The following KIZ variants were observed in gnomAD, a reference collection of about 807,000 sequenced individuals.
The protein encoded by KIZ is kizuna centrosomal protein, also known as centrosomal protein kizuna.
A neutral mutation model predicts 79.6 loss-of-function variants in KIZ; 68 were observed. The ratio of observed to expected loss-of-function variants is 0.85; its 90% confidence interval spans 0.70 to 1.05. KIZ has a LOEUF of 1.05. Ranked by LOEUF, KIZ falls within the 50% of genes least tolerant of loss-of-function variation. KIZ has a pLI of 0.00. For synonymous variants in KIZ, 280 were observed against 281.8 expected (o/e 0.99, Z 0.06); for missense variants, 797 against 800.4 (o/e 1.00, Z 0.05).
At position 21,241,843 on chromosome 20, in the gene KIZ, T is replaced by G. The variant is rs925471930; in HGVS notation, c.1881-2402T>G. Reference sequence around the variant, plus strand: ...TCATGTGTCTGTGTTTACAGCCTTGTGCATGACTTTTTCCTTTTTTTTTCT... The same window carrying G: ...TCATGTGTCTGTGTTTACAGCCTTGGGCATGACTTTTTCCTTTTTTTTTCT... On this transcript the variant is annotated intron_variant, in intron 11 of 12. Coordinates refer to ENST00000619189, the MANE Select transcript of KIZ (RefSeq NM_018474.6). Among the ~76,000 whole-genome samples the G allele has an allele frequency of 6.6e-5, 10 of 152,354 alleles. No homozygotes were observed. The East Asian group carries it at 1.9e-3, about 29-fold the overall frequency.
chr20:21,130,461 G>A (rs2122286903), intron 1 of KIZ, among the ~76,000 whole-genome samples: 1 of 152,152 alleles, frequency 6.6e-6, no homozygotes, highest in East Asian at 1.9e-4. Flanking sequence ...GTACCCAATT[G>A]ATCATGAAAC....
At chr20:21,126,431 A>G (rs1215555076) in intron 1 of KIZ, among the ~76,000 whole-genome samples, 2 of 152,128 alleles carry the variant, frequency 1.3e-5, no homozygotes, top group Non-Finnish European at 2.9e-5. Flanking sequence ...CGCCCCGTCA[A>G]TAGCAGCTAA....
chr20:21,196,733 G>A (rs1264228368), intron 6 of KIZ: 4 of 152,354 alleles, frequency 2.6e-5, no homozygotes, highest in Middle Eastern at 3.4e-3. Context: ...CAGAAGCCTG[G>A]GAATTGGCAA....
rs2032199059 is a variant in KIZ, at chr20:21,136,522, C to T, written c.285C>T (p.Thr95=). 6.3e-7 allele frequency: 1 copy of T among 1,582,160 alleles called. No homozygotes were observed. The highest frequency in any genetic ancestry group is 8.6e-7 in the Non-Finnish European group (1 of 1,166,554). ...TCCAAGCTCATGTTGTACACTTCAC[C>T]ACAAATACAGAGAAGCTTCAAAAAC... The part of the protein sequence containing the change: ...ERVQAHVVHF[T]TNTEKLQKLK... The change falls in exon 3 of 13, where the codon ACC becomes ACT. Residue 95 remains threonine, a synonymous_variant. Transcript: ENST00000619189.
chr20:21,142,873 A>T (rs1367634147), intron 3 of KIZ, among the ~76,000 whole-genome samples: 1 of 152,152 alleles, frequency 6.6e-6, no homozygotes, highest in African/African-American at 2.4e-5. Flanking sequence ...GTATGCCTAT[A>T]AGGGGCTAAT....
At chr20:21,238,244 A>T (rs529189987) in intron 11 of KIZ, among the ~76,000 whole-genome samples, 25 of 150,900 alleles carry the variant, frequency 1.7e-4, no homozygotes, top group Admixed American at 1.4e-3. Context: ...AATAAAAGTC[A>T]GTTTGTACAA....
intron 9 of KIZ, among the ~76,000 whole-genome samples, chr20:21,217,463 G>A (rs990692223): frequency 3.9e-5 from 6 of 152,090 alleles, no homozygotes; most frequent in Non-Finnish European, 7.4e-5. Context: ...GTTCTGTTGG[G>A]GTGTCCTGTT....
At chr20:21,240,269 C>T (rs2037169902) in intron 11 of KIZ, among the ~76,000 whole-genome samples, 1 of 152,050 alleles carries the variant, frequency 6.6e-6, no homozygotes, top group Non-Finnish European at 1.5e-5. Context: ...GGATTACAGG[C>T]ACATAGCACC....
At chr20:21,208,472 G>T (rs2035931222) in intron 7 of KIZ, among the ~76,000 whole-genome samples, 1 of 152,194 alleles carries the variant, frequency 6.6e-6, no homozygotes, top group African/African-American at 2.4e-5. Flanking sequence ...GGGAGGCCGA[G>T]GTGGGCGGAT....
chr20:21,166,540 C>T, intron 6 of KIZ: 1 of 1,493,046 alleles, frequency 6.7e-7, no homozygotes, highest in South Asian at 1.1e-5. Context: ...GTTTGCCTCT[C>T]TTTTCGGCAT....
chr20:21,157,884 A>C (rs2033459442), intron 4 of KIZ, among the ~76,000 whole-genome samples: 1 of 152,140 alleles, frequency 6.6e-6, no homozygotes. Flanking sequence ...TTAACACTTC[A>C]TAAACTGGTC....
In KIZ at chr20:21,189,545, T is replaced by A. The variant is rs771555158; in HGVS notation, c.1353-15946T>A. Among the ~76,000 whole-genome samples, 4 of 152,286 alleles carry A rather than the reference T, an allele frequency of 2.6e-5. 1 individual carries two copies. Among genetic ancestry groups the A allele is most frequent in the African/African-American group, 7.2e-5 (3 of 41,544 alleles). Reference sequence around the variant, plus strand: ...CCAGCTCTTCATTAAGAAACTTTTTTAAAAAGTCATATGGGAGAGGGTTCG... The same window carrying A: ...CCAGCTCTTCATTAAGAAACTTTTTAAAAAAGTCATATGGGAGAGGGTTCG... On this transcript the variant is annotated intron_variant, in intron 6 of 12. Transcript: ENST00000619189.
At chr20:21,194,413 T>C (rs2035249896) in intron 6 of KIZ, 1 of 152,236 alleles carries the variant, frequency 6.6e-6, no homozygotes, top group East Asian at 1.9e-4. Context: ...ATAGTTACAG[T>C]GTTTCTATAA....
At position 21,162,009 on chromosome 20, in the gene KIZ, C is replaced by G. The variant is rs998001515; in HGVS notation, c.544C>G (p.Pro182Ala). ...DFSTEHKSPQ[P>A]TKNFSIPDPH... ...CAGTACAGAGCACAAATCTCCCCAG[C>G]CCACAAAGAACTTTTCAATTCCTGA... Residue 182 changes from proline to alanine, a missense_variant, in exon 5 of 13, where the codon CCC becomes GCC. Coordinates refer to ENST00000619189, the MANE Select transcript of KIZ (RefSeq NM_018474.6). 6 of 1,613,936 alleles carry G rather than the reference C, an allele frequency of 3.7e-6. No homozygotes were observed. The highest frequency in any genetic ancestry group is 5.1e-6 in the Non-Finnish European group (6 of 1,179,858).
At chr20:21,240,885 G>T (rs997052260) in intron 11 of KIZ, among the ~76,000 whole-genome samples, 1 of 152,220 alleles carries the variant, frequency 6.6e-6, no homozygotes, top group Non-Finnish European at 1.5e-5. Context: ...GGCTGTTTTT[G>T]TGCTACAAAC....
At chr20:21,150,560 C>G (rs997303721) in intron 4 of KIZ, among the ~76,000 whole-genome samples, 61 of 152,372 alleles carry the variant, frequency 4.0e-4, no homozygotes, top group African/African-American at 1.5e-3. Flanking sequence ...AGTAGCCTCT[C>G]TGTGTTCAGC....
chr20:21,205,501 A>C lies in KIZ; in HGVS notation c.1363A>C (p.Thr455Pro). 1 of 1,490,464 alleles carries C rather than the reference A, an allele frequency of 6.7e-7. No homozygotes were observed. Among genetic ancestry groups the C allele is most frequent in the Admixed American group, 1.8e-5 (1 of 54,780 alleles). 92.3% of individuals were successfully genotyped at this position (1,490,464 alleles called of 1,614,324 possible). A position where few individuals can be genotyped will look rare whatever the true frequency, so the allele number is the denominator to read the frequency against. The change falls in exon 7 of 13, where the codon ACA becomes CCA. Residue 455 changes from threonine to proline, a missense_variant. By Grantham distance (38) the Thr-to-Pro change is conservative. Transcript: ENST00000619189. The part of the protein sequence containing the change: ...TNAPTREPGQ[T>P]PDSDVPRAQV... ...GTTTCTGTTTTATAGACCTGGACAA[A>C]CACCAGACTCAGACGTACCGAGGGC...
intron 6 of KIZ, among the ~76,000 whole-genome samples, chr20:21,203,985 C>A (rs2035699441): frequency 6.6e-6 from 1 of 151,822 alleles, no homozygotes; most frequent in South Asian, 2.1e-4. Flanking sequence ...CACCATTCAA[C>A]TTCTATCTTT....
At chr20:21,182,616 C>T (rs895774918) in intron 6 of KIZ, among the ~76,000 whole-genome samples, 3 of 151,882 alleles carry the variant, frequency 2.0e-5, no homozygotes, top group Admixed American at 6.6e-5. Flanking sequence ...GGCAACATGG[C>T]GAAACCCTAT....
Sources: gnomAD v4.1 joint callset for allele counts (sites outside exome capture counted in the v4.1 genomes callset) on GRCh38, gnomAD v4.1.1 for gene constraint, MANE v1.5 for transcripts, NCBI Gene and HGNC (gene_info 2026-07-23, HGNC 2026-07-21) for gene names.